The following PADI1 variants were observed in gnomAD, a reference collection of about 807,000 sequenced individuals.
PADI1 encodes the protein protein-arginine deiminase type-1.
In PADI1, 65 loss-of-function variants were observed where a neutral mutation model predicts 74.8. The ratio of observed to expected loss-of-function variants is 0.87; its 90% CI spans 0.71 to 1.07. PADI1 has a LOEUF of 1.07. PADI1 is among the 50% of genes least tolerant of loss of function. The pLI is 0.00. For missense variants in PADI1, 943 were observed against 854.0 expected (o/e 1.10, Z -1.30); for synonymous variants, 371 against 336.2 (o/e 1.10, Z -1.13).
chr1:17,211,187 A>T (rs914705686), intron 1 of PADI1, among the ~76,000 whole-genome samples: 4 of 148,468 alleles, frequency 2.7e-5, no homozygotes, highest in African/African-American at 4.9e-5. Context: ...AATGATCATG[A>T]TGGCAGCCCT....
intron 1 of PADI1, among the ~76,000 whole-genome samples, chr1:17,220,335 G>A (rs1187173670): frequency 1.3e-5 from 2 of 152,186 alleles, no homozygotes; most frequent in Non-Finnish European, 2.9e-5. Flanking sequence ...GGGGCCAAGT[G>A]ATCATGGCAG....
At chr1:17,237,540 C>T in intron 12 of PADI1, 82 bp downstream of exon 12, 2 of 1,345,916 alleles carry the variant, frequency 1.5e-6, no homozygotes, top group East Asian at 5.1e-5. Context: ...CCATCTGGAA[C>T]CAGCTCAACC....
intron 1 of PADI1, among the ~76,000 whole-genome samples, chr1:17,218,874 G>A (rs1278800095): frequency 1.3e-5 from 2 of 152,150 alleles, no homozygotes; most frequent in African/African-American, 2.4e-5. Flanking sequence ...AGGAGGGCAG[G>A]CATGGTCGTG....
Position 17,225,833 on chromosome 1 carries a change from A to C in PADI1, c.431A>C (p.Glu144Ala). ...GDKKTWRWGP[E>A]GYGAILLVNC... Reference sequence around the variant, plus strand: ...CAGAAAACCTGGCGCTGGGGCCCTGAGGGCTATGGGGCTATCTTGCTGGTG... The same window carrying C: ...CAGAAAACCTGGCGCTGGGGCCCTGCGGGCTATGGGGCTATCTTGCTGGTG... The change falls in exon 5 of 16, where the codon GAG (glutamate) becomes GCG (alanine). Residue 144 changes from glutamate to alanine, a missense_variant. By Grantham distance (107) the Glu-to-Ala change is moderately radical. Transcript: ENST00000375471. 1 of 1,614,006 alleles carries C rather than the reference A, an allele frequency of 6.2e-7. No homozygotes were observed. The highest frequency in any genetic ancestry group is 1.1e-5 in the South Asian group (1 of 91,078).
At chr1:17,218,434 G>A (rs2072038316) in intron 1 of PADI1, among the ~76,000 whole-genome samples, 1 of 152,130 alleles carries the variant, frequency 6.6e-6, no homozygotes, top group Non-Finnish European at 1.5e-5. Context: ...GAGTGACACA[G>A]CAAAGGCATT....
At chr1:17,221,870 G>A (rs943440835) in intron 1 of PADI1, among the ~76,000 whole-genome samples, 1 of 152,244 alleles carries the variant, frequency 6.6e-6, no homozygotes, top group African/African-American at 2.4e-5. Flanking sequence ...CTGCTTTCCA[G>A]CAAAGGAACA....
chr1:17,229,952 A>C, intron 8 of PADI1, 133 bp from the exon 9 acceptor site: 3 of 765,984 alleles, frequency 3.9e-6, no homozygotes, highest in Non-Finnish European at 4.2e-6. Context: ...TGCGCCTATG[A>C]GCCTCTCAAG....
rs1275514283 is a variant in PADI1 at position 17,228,677 on chromosome 1, C to T, written c.705C>T (p.Ser235=). 6.2e-7 allele frequency: 1 copy of T among 1,614,156 alleles called. No homozygotes were observed. Among genetic ancestry groups the T allele is most frequent in the Non-Finnish European group, 8.5e-7 (1 of 1,180,010 alleles). The change falls in exon 7 of 16, where the codon TCC becomes TCT. Residue 235 remains serine, a synonymous_variant. Transcript: ENST00000375471. ...YKQVLGPQCL[S]YEVERQPGEQ... ...AGGTGCTGGGGCCCCAGTGTCTGTC[C>T]TATGAAGTTGAGCGACAGCCAGGGG...
In PADI1 at chr1:17,229,787, A is replaced by G. The variant is rs541595626; in HGVS notation, c.930-298A>G. ...CTACCTGCCCCTCACTGCTATTTTA[A>G]CCCAAAAGATTCAGCCTCAGGTCAC... On this transcript the variant is annotated intron_variant, in intron 8 of 15. Coordinates refer to ENST00000375471, the MANE Select transcript of PADI1 (RefSeq NM_013358.3). 8.3e-4 allele frequency among the ~76,000 whole-genome samples: 127 copies of G among 152,142 alleles called. 1 individual carries two copies. Among genetic ancestry groups the G allele is most frequent in the African/African-American group, 3.0e-3 (125 of 41,522 alleles).
chr1:17,243,844 T>C (rs2072825562), intron 15 of PADI1, among the ~76,000 whole-genome samples, 166 bp from the exon 16 acceptor site: 1 of 152,182 alleles, frequency 6.6e-6, no homozygotes, highest in Admixed American at 6.5e-5. Flanking sequence ...CTCCTCTGCT[T>C]TCATAGGCCC....
chr1:17,237,223 C>T (rs1039149622), intron 11 of PADI1, 91 bp from the exon 12 acceptor site: 10 of 1,418,490 alleles, frequency 7.0e-6, no homozygotes, highest in South Asian at 2.8e-5. Flanking sequence ...TGAGCAATTC[C>T]GCCCCCTGGT....
At chr1:17,227,090 G>A (rs375041742) in intron 6 of PADI1, among the ~76,000 whole-genome samples, 70 of 149,652 alleles carry the variant, frequency 4.7e-4, no homozygotes, top group African/African-American at 1.7e-3. Flanking sequence ...CCAGCTACTC[G>A]GGAGGTTGAG....
rs746517158 is a variant in PADI1, at chr1:17,230,695, T to C, written c.1161+16T>C. The C allele has an allele frequency of 1.9e-5, 28 of 1,483,462 alleles. No individual in the cohort carries two copies. Among genetic ancestry groups the C allele is most frequent in the Middle Eastern group, 1.7e-4 (1 of 5,824 alleles). 91.9% of individuals were successfully genotyped at this position (1,483,462 alleles called of 1,614,324 possible). On this transcript the variant is annotated intron_variant, in intron 10 of 15. Transcript: ENST00000375471. Reference sequence around the variant, plus strand: ...GAGGATCCTGGTACGTAGCGACAGGTAGAGTGCAGAAACCCTGGTTGGGTC... The same window carrying C: ...GAGGATCCTGGTACGTAGCGACAGGCAGAGTGCAGAAACCCTGGTTGGGTC...
In PADI1 at chr1:17,238,669, G is replaced by A; in HGVS notation, c.1512G>A (p.Glu504=). 6.4e-7 allele frequency: 1 copy of A among 1,556,440 alleles called. No individual in the cohort carries two copies. Among genetic ancestry groups the A allele is most frequent in the Non-Finnish European group, 8.7e-7 (1 of 1,145,530 alleles). The stretch of plus-strand genomic sequence containing the variant: ...GCGCTTGCCTCAAACTCTTCCAAGA[G>A]AAGAAAGAAGAGGGTTATGGGGAGG... The part of the protein sequence containing the change: ...SPSACLKLFQ[E]KKEEGYGEAA... The change falls in exon 13 of 16, where the codon GAG becomes GAA. Residue 504 remains glutamate (E), a synonymous_variant. Coordinates refer to ENST00000375471, the MANE Select transcript of PADI1 (RefSeq NM_013358.3).
intron 11 of PADI1, among the ~76,000 whole-genome samples, chr1:17,235,609 GGAGAGCCGGAGGATGTAGGCTCAGGGGCA>G (rs1256994691): frequency 1.3e-5 from 2 of 151,764 alleles, no homozygotes; most frequent in African/African-American, 2.4e-5. Flanking sequence ...GCTCAGGGGC[GGAGAGCCGGAGGATGTAGGCTCAGGGGCA>G]GAGAGCTCGG....
chr1:17,206,707 G>C (rs1206436813), intron 1 of PADI1, among the ~76,000 whole-genome samples: 1 of 105,196 alleles, frequency 9.5e-6, no homozygotes, highest in Non-Finnish European at 1.8e-5. Context: ...TTTTTTTTGA[G>C]ATGGAGTCTC....
chr1:17,237,494 CCCTTGTCTGA>C (rs754082226), intron 12 of PADI1, 36 bp downstream of exon 12: 6 of 1,577,702 alleles, frequency 3.8e-6, no homozygotes, highest in Non-Finnish European at 5.2e-6. Context: ...GCCACCTCTG[CCCTTGTCTGA>C]CCTGATGGGA....
chr1:17,207,267 C>T (rs2071709606), intron 1 of PADI1, among the ~76,000 whole-genome samples: 1 of 152,194 alleles, frequency 6.6e-6, no homozygotes, highest in African/African-American at 2.4e-5. Flanking sequence ...GGTTTCATTT[C>T]CTCATCTGAG....
chr1:17,244,449 C>T lies in PADI1; in HGVS notation c.*206C>T, dbSNP rs529544927. On this transcript the variant is annotated 3_prime_UTR_variant, in exon 16 of 16. Coordinates refer to ENST00000375471, the MANE Select transcript of PADI1 (RefSeq NM_013358.3). ...CCTACCCAACCCGAGAAGAATGCAC[C>T]TCATTCTTCCCTGGCCTCTTTCCCA... The T allele has an allele frequency of 3.0e-6, 2 of 666,986 alleles. No individual in the cohort carries two copies. The highest frequency in any genetic ancestry group is 1.5e-5 in the South Asian group (1 of 66,436). The allele number at this position is 666,986 out of a possible 1,614,324, so 41.3% of individuals were successfully genotyped here.
Sources: gnomAD v4.1 joint callset for allele counts (sites outside exome capture counted in the v4.1 genomes callset) on GRCh38, gnomAD v4.1.1 for gene constraint, MANE v1.5 for transcripts, NCBI Gene and HGNC (gene_info 2026-07-23, HGNC 2026-07-21) for gene names.